UNC13C: variants seen among roughly 807,000 people sequenced by gnomAD.
UNC13C encodes protein unc-13 homolog C.
Under a neutral mutation model 245.4 loss-of-function variants are expected in UNC13C, and 174 were observed. The ratio of observed to expected loss-of-function variants is 0.71; its 90% CI spans 0.63 to 0.80. UNC13C has a LOEUF of 0.80. Among genes scored for constraint, UNC13C ranks in the 30% least tolerant of loss-of-function variants. UNC13C has a pLI of 0.00. For missense variants in UNC13C, 2,829 were observed against 2,602.9 expected, an observed-to-expected ratio of 1.09 and a Z score of -1.89; for synonymous variants, 992 against 895.1, an observed-to-expected ratio of 1.11 and a Z score of -1.93.
the UNC13C span, among the ~76,000 whole-genome samples, chr15:53,941,474 A>G: frequency 2.0e-5 from 3 of 152,320 alleles, no homozygotes; most frequent in Non-Finnish European, 4.4e-5. Flanking sequence ...AGTTTCTGCA[A>G]TCAAAAGAAA....
At chr15:54,315,049 C>T (rs568564533) in intron 13 of UNC13C, among the ~76,000 whole-genome samples, 172 of 151,778 alleles carry the variant, frequency 1.1e-3, no homozygotes, top group Non-Finnish European at 2.2e-3. Flanking sequence ...TGTTTTTCTG[C>T]TTCCACTGCC....
intron 5 of UNC13C, among the ~76,000 whole-genome samples, chr15:54,235,866 A>G (rs1187684284): frequency 2.6e-5 from 4 of 152,140 alleles, no homozygotes; most frequent in Non-Finnish European, 5.9e-5. Context: ...AAAAATAAAA[A>G]TAATAAAAAA....
intron 6 of UNC13C, 127 bp from the exon 7 acceptor site, chr15:54,237,492 G>T: frequency 1.3e-6 from 1 of 749,098 alleles, no homozygotes; most frequent in Non-Finnish European, 2.4e-6. Flanking sequence ...TTACCAAAAT[G>T]GCAGGTCCTT....
chr15:54,156,657 G>A (rs1480042502), intron 4 of UNC13C, among the ~76,000 whole-genome samples: 1 of 151,918 alleles, frequency 6.6e-6, no homozygotes, highest in East Asian at 1.9e-4. Context: ...GGCTAGAGCT[G>A]AGACTCAGAT....
At chr15:54,018,707 A>G (rs1895768661) in intron 2 of UNC13C, among the ~76,000 whole-genome samples, 2 of 152,088 alleles carry the variant, frequency 1.3e-5, no homozygotes. Context: ...TTAACTATTT[A>G]TTGTCTCCTC....
At chr15:53,960,515 A>G in the UNC13C span, among the ~76,000 whole-genome samples, 7 of 152,174 alleles carry the variant, frequency 4.6e-5, no homozygotes, top group Non-Finnish European at 8.8e-5. Context: ...TTCAAGGACT[A>G]TAGTCTGGAA....
intron 4 of UNC13C, among the ~76,000 whole-genome samples, chr15:54,222,770 GGATAAAA>G (rs2035264686): frequency 6.6e-6 from 1 of 151,750 alleles, no homozygotes; most frequent in Non-Finnish European, 1.5e-5. Context: ...CCTGGTATTT[GGATAAAA>G]GCCATTTTTT....
At chr15:54,208,356 A>G (rs911654333) in intron 4 of UNC13C, among the ~76,000 whole-genome samples, 10 of 152,128 alleles carry the variant, frequency 6.6e-5, no homozygotes, top group African/African-American at 2.4e-4. Flanking sequence ...AAACCATAGC[A>G]TGATTCAGTG....
At chr15:53,873,813 T>G in the UNC13C span, among the ~76,000 whole-genome samples, 1 of 152,242 alleles carries the variant, frequency 6.6e-6, no homozygotes, top group African/African-American at 2.4e-5. Context: ...CACCCTCACG[T>G]GATTACAGGC....
At chr15:54,601,585 C>T (rs534234583) in intron 30 of UNC13C, among the ~76,000 whole-genome samples, 4 of 152,282 alleles carry the variant, frequency 2.6e-5, no homozygotes, top group South Asian at 2.1e-4. Flanking sequence ...TTAACTTTGA[C>T]TCTGTCAGCA....
At chr15:54,416,279 C>T (rs554902045) in intron 19 of UNC13C, among the ~76,000 whole-genome samples, 29 of 151,974 alleles carry the variant, frequency 1.9e-4, no homozygotes, top group Non-Finnish European at 3.5e-4. Context: ...TTATAGCGTT[C>T]GTGTTTATCA....
chr15:54,339,640 G>GATATATATAT (rs61353129), intron 17 of UNC13C, among the ~76,000 whole-genome samples: 1 of 149,690 alleles, frequency 6.7e-6, no homozygotes, highest in African/African-American at 2.5e-5. Context: ...ATTATGTGGA[G>GATATATATAT]ATATATATAT....
chr15:53,968,856 T>G, the UNC13C span, among the ~76,000 whole-genome samples: 4 of 152,192 alleles, frequency 2.6e-5, no homozygotes, highest in African/African-American at 9.6e-5. Context: ...CTGCTCTATT[T>G]TGAAAACCAG....
intron 2 of UNC13C, among the ~76,000 whole-genome samples, chr15:54,105,194 C>G (rs1285817654): frequency 6.6e-6 from 1 of 152,152 alleles, no homozygotes; most frequent in Non-Finnish European, 1.5e-5. Context: ...GGGTCTATAG[C>G]TTCTCAGAGT....
At chr15:54,307,564 G>C (rs960881577) in intron 13 of UNC13C, among the ~76,000 whole-genome samples, 1 of 151,916 alleles carries the variant, frequency 6.6e-6, no homozygotes, top group Admixed American at 6.6e-5. Context: ...TTAGGGGGAA[G>C]AGAACAAAGA....
intron 19 of UNC13C, among the ~76,000 whole-genome samples, chr15:54,425,638 G>A (rs67176189): frequency 0.25 from 37,224 of 151,590 alleles, 4,680 homozygotes; most frequent in Admixed American, 0.29. Flanking sequence ...TTCACACTGC[G>A]TTCTATGGAA....
intron 4 of UNC13C, among the ~76,000 whole-genome samples, chr15:54,199,821 A>G (rs572961243): frequency 5.3e-5 from 8 of 152,290 alleles, no homozygotes; most frequent in African/African-American, 1.9e-4. Flanking sequence ...TACTATGATG[A>G]ATAGAATAGT....
In UNC13C at chr15:54,147,256, G is replaced by C. The variant is rs551705561; in HGVS notation, c.3071+3572G>C. ...TTTTTTTGAGATGGAGTCTTGCTCT[G>C]TTGCCCAGACTGGAGTGCAGTGGCA... On this transcript the variant is annotated intron_variant, in intron 4 of 32. Transcript: ENST00000260323. Among the ~76,000 whole-genome samples, 298 of 141,544 alleles carry C rather than the reference G, an allele frequency of 2.1e-3. 1 individual carries two copies. The highest frequency in any genetic ancestry group is 7.5e-3 in the African/African-American group (286 of 38,190). 92.9% of individuals were successfully genotyped at this position (141,544 alleles called of 152,430 possible). A position where few individuals can be genotyped will look rare whatever the true frequency, so the allele number is the denominator to read the frequency against.
the UNC13C span, among the ~76,000 whole-genome samples, chr15:53,945,293 G>A: frequency 1.3e-5 from 2 of 152,136 alleles, no homozygotes; most frequent in South Asian, 2.1e-4. Flanking sequence ...ATTGCATTTA[G>A]CAGCTTCATC....
Sources: gnomAD v4.1 joint callset for allele counts (sites outside exome capture counted in the v4.1 genomes callset) on GRCh38, gnomAD v4.1.1 for gene constraint, MANE v1.5 for transcripts, NCBI Gene and HGNC (gene_info 2026-07-23, HGNC 2026-07-21) for gene names.